The following ZMAT4 variants were observed in gnomAD, a reference collection of about 807,000 sequenced individuals.
The protein encoded by ZMAT4 is zinc finger matrin-type protein 4.
ZMAT4 carries 17 observed loss-of-function variants against 28.7 expected under a neutral mutation model. That is an observed-to-expected ratio of 0.59 (90% CI 0.41 to 0.89). The LOEUF (loss-of-function observed/expected upper bound fraction) is 0.89. Ranked by LOEUF, ZMAT4 falls within the 40% of genes least tolerant of loss-of-function variation. The pLI, the probability that ZMAT4 is intolerant of heterozygous loss-of-function variation, is 0.00. For missense variants in ZMAT4, 240 were observed against 283.8 expected (o/e 0.85, Z 1.11); for synonymous variants, 117 against 109.2 (o/e 1.07, Z -0.44).
chr8:40,742,417 A>T (rs925965551), intron 3 of ZMAT4, among the ~76,000 whole-genome samples: 36 of 151,276 alleles, frequency 2.4e-4, no homozygotes, highest in African/African-American at 7.7e-4. Flanking sequence ...ATTTGCAGAT[A>T]TATAAAAGTA....
intron 5 of ZMAT4, among the ~76,000 whole-genome samples, chr8:40,669,838 C>T (rs1405134950): frequency 1.3e-5 from 2 of 152,138 alleles, no homozygotes; most frequent in African/African-American, 4.8e-5. Flanking sequence ...TACTTGGCGA[C>T]ACATTTAACA....
intron 1 of ZMAT4, among the ~76,000 whole-genome samples, chr8:40,879,825 T>C (rs1304215383): frequency 6.6e-6 from 1 of 152,220 alleles, no homozygotes; most frequent in Admixed American, 6.5e-5. Context: ...TTTGAAGATA[T>C]TTCACTTTCA....
chr8:40,578,080 C>G (rs936351743), intron 6 of ZMAT4, among the ~76,000 whole-genome samples: 6 of 151,854 alleles, frequency 4.0e-5, no homozygotes, highest in African/African-American at 1.5e-4. Context: ...TGAAGACAGT[C>G]TTGAATAAGA....
intron 3 of ZMAT4, among the ~76,000 whole-genome samples, chr8:40,735,097 C>T (rs369586487): frequency 6.6e-6 from 1 of 152,150 alleles, no homozygotes; most frequent in Non-Finnish European, 1.5e-5. Context: ...AAATCTGATG[C>T]TCTAGGCAGA....
At chr8:40,655,059 T>TACACACACACACACACACACAC (rs3038823) in intron 5 of ZMAT4, among the ~76,000 whole-genome samples, 187 of 148,904 alleles carry the variant, frequency 1.3e-3, no homozygotes, top group African/African-American at 4.3e-3. Context: ...AAGGAATACC[T>TACACACACACACACACACACAC]ACACACACAC....
Position 40,880,520 on chromosome 8 carries a change from C to T in ZMAT4, c.-5+17163G>A, listed in dbSNP as rs560320909. 1.4e-4 allele frequency among the ~76,000 whole-genome samples: 22 copies of T among 152,234 alleles called. 1 individual carries two copies. The East Asian group carries it at 2.3e-3, about 16-fold the overall frequency. ...TAGCTGGAAAATGGCAACTCATTTC[C>T]ATTCTAATTAACATTTTTATTATTG... On this transcript the variant is annotated intron_variant, in intron 1 of 6. Transcript: ENST00000297737.
chr8:40,873,135 T>C (rs1043687767), intron 1 of ZMAT4, among the ~76,000 whole-genome samples: 14 of 152,204 alleles, frequency 9.2e-5, no homozygotes, highest in Non-Finnish European at 1.6e-4. Context: ...TTGAGGGATG[T>C]GTTGCCTTCA....
At chr8:40,745,669 T>G (rs755688300) in intron 3 of ZMAT4, among the ~76,000 whole-genome samples, 1 of 152,106 alleles carries the variant, frequency 6.6e-6, no homozygotes, top group African/African-American at 2.4e-5. Flanking sequence ...TTCCTTAACT[T>G]AGGACAATGT....
intron 4 of ZMAT4, among the ~76,000 whole-genome samples, chr8:40,684,314 G>A (rs1277425979): frequency 9.2e-5 from 14 of 152,112 alleles, no homozygotes; most frequent in South Asian, 2.1e-4. Context: ...AAACCATGAC[G>A]TCCTTTCATC....
chr8:40,691,922 A>G (rs1031347732), intron 4 of ZMAT4, among the ~76,000 whole-genome samples: 6 of 152,162 alleles, frequency 3.9e-5, no homozygotes, highest in South Asian at 2.1e-4. Flanking sequence ...TTTTACAAAG[A>G]AAGGAGTTTT....
chr8:40,762,183 AG>A (rs1812969009), intron 3 of ZMAT4, among the ~76,000 whole-genome samples: 1 of 152,204 alleles, frequency 6.6e-6, no homozygotes, highest in South Asian at 2.1e-4. Context: ...CCTCTGCCAT[AG>A]TACTAAGTGA....
At position 40,811,600 on chromosome 8, in the gene ZMAT4, G is replaced by T. The variant is rs181448167; in HGVS notation, c.102+13975C>A. Among the ~76,000 whole-genome samples, 209 of 152,334 alleles carry T rather than the reference G, an allele frequency of 1.4e-3. 1 individual carries two copies. The highest frequency in any genetic ancestry group is 7.4e-4 in the Non-Finnish European group (50 of 68,024). ...GTTTCCTTAGGGAATCTGTTAAGAT[G>T]TTTGTCACAGCATTGCTTGTGCTAG... On this transcript the variant is annotated intron_variant, in intron 2 of 6. Coordinates refer to ENST00000297737, the MANE Select transcript of ZMAT4 (RefSeq NM_024645.3).
intron 1 of ZMAT4, among the ~76,000 whole-genome samples, chr8:40,868,007 T>C (rs1236358441): frequency 3.3e-5 from 5 of 152,268 alleles, no homozygotes; most frequent in South Asian, 2.1e-4. Context: ...AGTTCCATGA[T>C]GGCAAGGATT....
At chr8:40,548,378 G>C (rs72636914) in intron 6 of ZMAT4, among the ~76,000 whole-genome samples, 5,920 of 152,108 alleles carry the variant, frequency 0.039, 148 homozygotes, top group South Asian at 0.093. Flanking sequence ...TTTTTAAAAT[G>C]CTATTTTGAA....
intron 4 of ZMAT4, among the ~76,000 whole-genome samples, chr8:40,695,181 A>G (rs538373033): frequency 2.9e-4 from 44 of 152,336 alleles, no homozygotes; most frequent in African/African-American, 1.0e-3. Flanking sequence ...CACACATTGC[A>G]TACATTTGCA....
At chr8:40,769,061 C>G (rs1167866504) in intron 2 of ZMAT4, among the ~76,000 whole-genome samples, 2 of 152,126 alleles carry the variant, frequency 1.3e-5, no homozygotes, top group African/African-American at 4.8e-5. Flanking sequence ...CTGTCTAGAG[C>G]AACAAAAGAC....
intron 5 of ZMAT4, among the ~76,000 whole-genome samples, chr8:40,622,849 A>G (rs1563371424): frequency 6.6e-6 from 1 of 152,318 alleles, no homozygotes; most frequent in South Asian, 2.1e-4. Flanking sequence ...ATCCACCCCC[A>G]TGACCCAAAC....
At chr8:40,601,857 T>G (rs1181203867) in intron 5 of ZMAT4, among the ~76,000 whole-genome samples, 2 of 152,176 alleles carry the variant, frequency 1.3e-5, no homozygotes, top group African/African-American at 4.8e-5. Context: ...CAACAGATGT[T>G]TTTGTTTTTA....
At chr8:40,843,139 C>T (rs1001361738) in intron 1 of ZMAT4, among the ~76,000 whole-genome samples, 11 of 152,232 alleles carry the variant, frequency 7.2e-5, no homozygotes, top group Non-Finnish European at 1.6e-4. Context: ...AAGCCCCTGA[C>T]AGAGAGGCAA....
Sources: allele counts gnomAD v4.1 joint callset (sites outside exome capture counted in the v4.1 genomes callset), GRCh38; gene constraint gnomAD v4.1.1; transcripts MANE v1.5; gene names NCBI Gene and HGNC (gene_info 2026-07-23, HGNC 2026-07-21).